The following BMP7 variants were observed in gnomAD, a reference collection of about 807,000 sequenced individuals.
The protein encoded by BMP7 is osteogenic protein 1.
A neutral mutation model predicts 41.2 loss-of-function variants in BMP7; 12 were observed. The ratio of observed to expected loss-of-function variants is 0.29; its 90% confidence interval spans 0.19 to 0.47. The LOEUF is 0.47. Ranked by LOEUF, BMP7 falls within the 20% of genes least tolerant of loss-of-function variation. BMP7 has a pLI of 0.99. For missense variants in BMP7, 467 were observed against 606.0 expected (o/e 0.77, Z 2.41); for synonymous variants, 248 against 250.0 (o/e 0.99, Z 0.07).
In BMP7 at chr20:57,265,709, G is replaced by A. The variant is rs961649397; in HGVS notation, c.414C>T (p.Asn138=). The change falls in exon 1 of 7, where the codon AAC becomes AAT. Residue 138 remains asparagine, a synonymous_variant. Coordinates refer to ENST00000395863, the MANE Select transcript of BMP7 (RefSeq NM_001719.3). ...CCCTCGCCTGCCCTTACTCACCGAG[G>A]TTGACGAAGCTCATGACCATGTCGG... ...TDADMVMSFV[N]LVEHDKEFFH... The A allele has an allele frequency of 6.2e-7, 1 of 1,603,824 alleles. No homozygotes were observed. Among genetic ancestry groups the A allele is most frequent in the Non-Finnish European group, 8.5e-7 (1 of 1,175,230 alleles).
chr20:57,252,851 G>C (rs1019934648), intron 1 of BMP7, among the ~76,000 whole-genome samples: 2 of 152,160 alleles, frequency 1.3e-5, no homozygotes, highest in Admixed American at 6.5e-5. Flanking sequence ...GTTCTCAACT[G>C]GGGGCAACTT....
chr20:57,175,695 T>C (rs920040538), intron 4 of BMP7, among the ~76,000 whole-genome samples: 1 of 152,204 alleles, frequency 6.6e-6, no homozygotes, highest in Non-Finnish European at 1.5e-5. Context: ...CTTGTCTCTC[T>C]CTCACACACA....
At chr20:57,244,948 T>A (rs145465349) in intron 1 of BMP7, among the ~76,000 whole-genome samples, 1 of 152,360 alleles carries the variant, frequency 6.6e-6, no homozygotes, top group East Asian at 1.9e-4. Context: ...CTGGGTTCCA[T>A]CAGCCTAAAC....
Position 57,266,144 on chromosome 20 carries a change from C to G in BMP7, c.-22G>C. 2.0e-6 allele frequency: 3 copies of G among 1,503,104 alleles called. No individual in the cohort carries two copies. The highest frequency in any genetic ancestry group is 2.7e-6 in the Non-Finnish European group (3 of 1,131,396). 93.1% of individuals were successfully genotyped at this position (1,503,104 alleles called of 1,614,324 possible). A position where few individuals can be genotyped will look rare whatever the true frequency, so the allele number is the denominator to read the frequency against. ...GCATCGCGCCGGCTCTACGCGCTAC[C>G]CGGGCTCCGGGCTCCGGGCCCGCAC... is the stretch of plus-strand genomic sequence containing the variant. On this transcript the variant is annotated 5_prime_UTR_variant, in exon 1 of 7. Coordinates refer to ENST00000395863, the MANE Select transcript of BMP7 (RefSeq NM_001719.3).
At chr20:57,249,752 G>A (rs1482009508) in intron 1 of BMP7, among the ~76,000 whole-genome samples, 2 of 152,170 alleles carry the variant, frequency 1.3e-5, no homozygotes, top group Non-Finnish European at 2.9e-5. Flanking sequence ...CATTGATATT[G>A]GTCTACTGTC....
intron 1 of BMP7, among the ~76,000 whole-genome samples, chr20:57,246,825 C>T (rs908607645): frequency 2.0e-5 from 3 of 152,078 alleles, no homozygotes; most frequent in African/African-American, 7.2e-5. Context: ...TCCATCCCTA[C>T]TAAAAGTACA....
chr20:57,228,656 A>G lies in BMP7; in HGVS notation c.419-235T>C, dbSNP rs558701460. On this transcript the variant is annotated intron_variant, in intron 1 of 6. Coordinates refer to ENST00000395863, the MANE Select transcript of BMP7 (RefSeq NM_001719.3). The surrounding 1 kb of genome is among the most constrained non-coding windows in gnomAD (Gnocchi z 4.5). The stretch of plus-strand genomic sequence containing the variant: ...CGACAAGAGCATGATTCTGCATCCA[A>G]CCTGCTGGGAAAAGTAGGGCACTAA... Among the ~76,000 whole-genome samples, 1 of 152,156 alleles carries G rather than the reference A, an allele frequency of 6.6e-6. No individual in the cohort carries two copies. The highest frequency in any genetic ancestry group is 2.4e-5 in the African/African-American group (1 of 41,444).
chr20:57,265,121 C>A lies in BMP7; in HGVS notation c.418+584G>T, dbSNP rs532772487. ...AAACAAAGAAAATTAGCAATGGCAC[C>A]GTTTCTTCCCCAGCTCCAGCCAAGA... On this transcript the variant is annotated intron_variant, in intron 1 of 6. Transcript: ENST00000395863. 3.0e-4 allele frequency among the ~76,000 whole-genome samples: 45 copies of A among 152,122 alleles called. 2 individuals carry two copies. The highest frequency in any genetic ancestry group is 9.8e-4 in the Admixed American group (15 of 15,282).
chr20:57,212,037 C>A (rs962651387), intron 2 of BMP7, among the ~76,000 whole-genome samples: 5 of 152,222 alleles, frequency 3.3e-5, no homozygotes, highest in African/African-American at 9.6e-5. Context: ...GCCAGAGACA[C>A]AGCGGCAGCC....
chr20:57,259,044 T>A lies in BMP7; in HGVS notation c.418+6661A>T, dbSNP rs2066144304. ...AGGACACAAATGCAGAGATGTTAAG[T>A]AACTTGCCCAAGGTCACACAGCTAA... On this transcript the variant is annotated intron_variant, in intron 1 of 6. Transcript: ENST00000395863. The surrounding 1 kb of genome is among the most constrained non-coding windows in gnomAD (Gnocchi z 4.7). Among the ~76,000 whole-genome samples, 1 of 152,164 alleles carries A rather than the reference T, an allele frequency of 6.6e-6. No individual in the cohort carries two copies. Among genetic ancestry groups the A allele is most frequent in the Non-Finnish European group, 1.5e-5 (1 of 68,032 alleles).
intron 1 of BMP7, among the ~76,000 whole-genome samples, chr20:57,239,509 T>C (rs2066061168): frequency 6.6e-6 from 1 of 152,186 alleles, no homozygotes; most frequent in Admixed American, 6.5e-5. Context: ...CTGTTGGATC[T>C]ACCATTCTGG....
intron 2 of BMP7, among the ~76,000 whole-genome samples, chr20:57,227,469 G>A (rs767604127): frequency 2.1e-5 from 3 of 139,930 alleles, no homozygotes; most frequent in Non-Finnish European, 4.6e-5. Context: ...ATGGTAACAA[G>A]TCCCCTTTCT....
chr20:57,182,698 G>T (rs1008674042), intron 4 of BMP7, among the ~76,000 whole-genome samples: 5 of 152,308 alleles, frequency 3.3e-5, no homozygotes, highest in Admixed American at 2.0e-4. Context: ...GAAGTGGGAG[G>T]CCATCTACCT....
chr20:57,202,543 G>A lies in BMP7; in HGVS notation c.692C>T (p.Thr231Ile). The change falls in exon 3 of 7, where the codon ACC becomes ATC. Residue 231 changes from threonine (T) to isoleucine (I), a missense_variant. Physicochemically the swap from Thr to Ile is moderately conservative, Grantham distance 89. Transcript: ENST00000395863. The part of the protein sequence containing the change: ...EGWLVFDITA[T>I]SNHWVVNPRH... Reference sequence around the variant, plus strand: ...CGGATTGACCACCCAGTGGTTGCTGGTGGCTGTGATGTCAAACACCAGCCA... The same window carrying A: ...CGGATTGACCACCCAGTGGTTGCTGATGGCTGTGATGTCAAACACCAGCCA... 2 of 1,611,440 alleles carry A rather than the reference G, an allele frequency of 1.2e-6. No individual in the cohort carries two copies. The highest frequency in any genetic ancestry group is 1.7e-6 in the Non-Finnish European group (2 of 1,179,964).
intron 1 of BMP7, among the ~76,000 whole-genome samples, chr20:57,262,113 C>T (rs1479581266): frequency 6.6e-6 from 1 of 152,226 alleles, no homozygotes; most frequent in Non-Finnish European, 1.5e-5. Context: ...TTCCACTCCC[C>T]TAGTGCCAGC....
Position 57,183,628 on chromosome 20 carries a change from C to T in BMP7, c.958+94G>A, listed in dbSNP as rs556259419. ...TTGTTCCAGAGCCATCTGGTGAGCA[C>T]CTGAATGGATTTTGAGTCAGTCTCC... On this transcript the variant is annotated intron_variant, in intron 4 of 6. Coordinates refer to ENST00000395863, the MANE Select transcript of BMP7 (RefSeq NM_001719.3). 9.1e-6 allele frequency: 14 copies of T among 1,530,686 alleles called. No individual in the cohort carries two copies. In the African/African-American group the frequency reaches 1.6e-4, roughly 18 times the overall value. 94.8% of individuals were successfully genotyped at this position (1,530,686 alleles called of 1,614,324 possible).
At chr20:57,175,098 G>A in intron 4 of BMP7, 91 bp from the exon 5 acceptor site, 1 of 1,309,210 alleles carries the variant, frequency 7.6e-7, no homozygotes, top group Non-Finnish European at 1.1e-6. Flanking sequence ...GCAGTGATGT[G>A]AACAGCAATG....
rs1310310641 is a variant in BMP7 at position 57,183,885 on chromosome 20, A to G, written c.795T>C (p.Ile265=). The change falls in exon 4 of 7, where the codon ATT becomes ATC. Residue 265 remains isoleucine (I), a synonymous_variant. Transcript: ENST00000395863. ...GCTTGTTCTGGGGCCCGTGCCGCCC[A>G]ATCAGGCCCGCCAACTTGGGGTTGA... ...QSINPKLAGL[I]GRHGPQNKQP... 6.2e-7 allele frequency: 1 copy of G among 1,614,004 alleles called. No homozygotes were observed. The highest frequency in any genetic ancestry group is 2.2e-5 in the East Asian group (1 of 44,898).
At chr20:57,195,592 TGC>T (rs1387718399) in intron 3 of BMP7, among the ~76,000 whole-genome samples, 6 of 152,258 alleles carry the variant, frequency 3.9e-5, no homozygotes, top group African/African-American at 1.4e-4. Context: ...TGGAGCCAGC[TGC>T]GCCGTGGGCG....
Sources: gnomAD v4.1 joint callset for allele counts (sites outside exome capture counted in the v4.1 genomes callset) on GRCh38, gnomAD v4.1.1 for gene constraint, Gnocchi (gnomAD v3.1) non-coding constraint, MANE v1.5 for transcripts, NCBI Gene and HGNC (gene_info 2026-07-23, HGNC 2026-07-21) for gene names.